SPTBN2: variants seen among roughly 807,000 people sequenced by gnomAD.
SPTBN2 encodes spectrin beta, non-erythrocytic 2.
Under a neutral mutation model 284.2 loss-of-function variants are expected in SPTBN2, and 107 were observed. That is an observed-to-expected ratio of 0.38 (90% CI 0.32 to 0.44). SPTBN2 has a LOEUF of 0.44. Ranked by LOEUF, SPTBN2 falls within the 20% of genes least tolerant of loss-of-function variation. The pLI, the probability that SPTBN2 is intolerant of heterozygous loss-of-function variation, is 1.00. For synonymous variants in SPTBN2, 1,289 were observed against 1,354.8 expected (o/e 0.95, Z 1.07); for missense variants, 2,569 against 3,287.1 (o/e 0.78, Z 5.34).
rs746834762 is a variant in SPTBN2, at chr11:66,708,222, C to T, written c.1269G>A (p.Leu423=). 7.4e-6 allele frequency: 12 copies of T among 1,611,602 alleles called. No homozygotes were observed. The highest frequency in any genetic ancestry group is 1.0e-5 in the Non-Finnish European group (12 of 1,178,874). The part of the protein sequence containing the change: ...LRTELIRQEK[L]EQLAARFDRK... ...GGTCGAAGCGGGCGGCCAGCTGCTCCAGCTTCTCCTGGCGGATGAGCTCGG... is the reference window on the plus strand; with the variant it reads ...GGTCGAAGCGGGCGGCCAGCTGCTCTAGCTTCTCCTGGCGGATGAGCTCGG... Residue 423 remains leucine (L), a synonymous_variant, in exon 12 of 38, where the codon CTG becomes CTA. Transcript: ENST00000533211. The surrounding 1 kb of genome is among the most constrained non-coding windows in gnomAD (Gnocchi z 4.4).
At chr11:66,702,763 C>A (rs1222664337) in intron 15 of SPTBN2, among the ~76,000 whole-genome samples, 2 of 151,294 alleles carry the variant, frequency 1.3e-5, no homozygotes, top group Non-Finnish European at 2.9e-5. Context: ...ACGGTGAAAC[C>A]TCGTCTCTAC....
Position 66,693,792 on chromosome 11 carries a change from G to A in SPTBN2, c.4573C>T (p.Leu1525Phe). ...CTCACCTGGTTTTTCTTCATGAGAAGCTGGACGCTGGGCAGGTCCTTGCCA... is the reference window on the plus strand; with the variant it reads ...CTCACCTGGTTTTTCTTCATGAGAAACTGGACGCTGGGCAGGTCCTTGCCA... ...EHGKDLPSVQLLMKKNQTLQK... is the reference protein window; with the variant it reads ...EHGKDLPSVQFLMKKNQTLQK... The change falls in exon 23 of 38, where the codon CTT becomes TTT. Residue 1525 changes from leucine (L) to phenylalanine (F), a missense_variant. Transcript: ENST00000533211. The surrounding 1 kb of genome is among the most constrained non-coding windows in gnomAD (Gnocchi z 5.7). 2 of 1,613,564 alleles carry A rather than the reference G, an allele frequency of 1.2e-6. No individual in the cohort carries two copies. The highest frequency in any genetic ancestry group is 1.7e-6 in the Non-Finnish European group (2 of 1,179,802).
At chr11:66,736,478 C>A (rs546611178) in intron 1 of SPTBN2, among the ~76,000 whole-genome samples, 1 of 152,178 alleles carries the variant, frequency 6.6e-6, no homozygotes, top group Non-Finnish European at 1.5e-5. Flanking sequence ...CTGGGACCAA[C>A]CATGATTCTC....
Position 66,684,035 on chromosome 11 carries a change from C to T in SPTBN2, c.*1836G>A, listed in dbSNP as rs1939948964. ...ATTATCCTGCAGGCTCTCTGGTCTA[C>T]CGGTTTGGAGCCCACTCTGGGGCTG... On this transcript the variant is annotated 3_prime_UTR_variant, in exon 38 of 38. Coordinates refer to ENST00000533211, the MANE Select transcript of SPTBN2 (RefSeq NM_006946.4). Among the ~76,000 whole-genome samples, 1 of 152,234 alleles carries T rather than the reference C, an allele frequency of 6.6e-6. No individual in the cohort carries two copies. Among genetic ancestry groups the T allele is most frequent in the South Asian group, 2.1e-4 (1 of 4,836 alleles).
intron 1 of SPTBN2, among the ~76,000 whole-genome samples, chr11:66,740,309 A>G (rs1942887147): frequency 6.6e-6 from 1 of 152,192 alleles, no homozygotes; most frequent in South Asian, 2.1e-4. Flanking sequence ...AAACTTTGGT[A>G]CTGTCCCAGG....
At chr11:66,702,323 G>A (rs1473200620) in intron 15 of SPTBN2, among the ~76,000 whole-genome samples, 2 of 152,128 alleles carry the variant, frequency 1.3e-5, no homozygotes, top group Non-Finnish European at 2.9e-5. Context: ...CCGCCACCAA[G>A]CCTAGCTAAT....
intron 1 of SPTBN2, among the ~76,000 whole-genome samples, chr11:66,737,726 C>CA (rs1457638287): frequency 1.6e-4 from 25 of 152,314 alleles, no homozygotes; most frequent in African/African-American, 5.8e-4. Flanking sequence ...TGAAGTACGT[C>CA]AGTGTTTCCC....
intron 5 of SPTBN2, 58 bp from the exon 6 acceptor site, chr11:66,714,465 G>C (rs1942043019): frequency 1.3e-5 from 18 of 1,417,754 alleles, no homozygotes; most frequent in Non-Finnish European, 1.8e-5. Context: ...GGTGTTATCA[G>C]AGATGCTCAG....
At position 66,710,785 on chromosome 11, in the gene SPTBN2, C is replaced by T; in HGVS notation, c.886-16G>A. The T allele has an allele frequency of 4.3e-6, 7 of 1,613,620 alleles. No homozygotes were observed. The highest frequency in any genetic ancestry group is 5.9e-6 in the Non-Finnish European group (7 of 1,180,036). ...GGTCCAGCACCTGGGAGGCAGAAGA[C>T]AGGGACGTGACAGTCCCAGCCACAG... On this transcript the variant is annotated splice_polypyrimidine_tract_variant and intron_variant, in intron 9 of 37. Transcript: ENST00000533211. The surrounding 1 kb of genome is among the most constrained non-coding windows in gnomAD (Gnocchi z 4.9).
At chr11:66,690,490 A>AG (rs1940467870) in intron 27 of SPTBN2, 1 of 648,038 alleles carries the variant, frequency 1.5e-6, no homozygotes, top group African/African-American at 1.8e-5. Context: ...ACCTGGGCTT[A>AG]ACTGGGGGAG....
intron 21 of SPTBN2, among the ~76,000 whole-genome samples, chr11:66,695,639 G>A (rs1024489276): frequency 2.0e-5 from 3 of 152,098 alleles, no homozygotes; most frequent in African/African-American, 4.8e-5. Context: ...TAGACCTTAC[G>A]ACCCATGAAG....
Position 66,699,479 on chromosome 11 carries a change from C to T in SPTBN2, c.3703G>A (p.Gly1235Ser), listed in dbSNP as rs1941122212. The change falls in exon 18 of 38, where the codon GGC becomes AGC. Residue 1235 changes from glycine to serine, a missense_variant. By Grantham distance (56) the Gly-to-Ser change is moderately conservative. Coordinates refer to ENST00000533211, the MANE Select transcript of SPTBN2 (RefSeq NM_006946.4). ...GERIHGLLEA[G>S]RQLVSEGNIH... ...TTGCCTTCAGATACCAGCTGGCGGC[C>T]AGCCTCCAGGAGCCCGTGGATCCGT... 1 of 1,614,174 alleles carries T rather than the reference C, an allele frequency of 6.2e-7. No homozygotes were observed. Among genetic ancestry groups the T allele is most frequent in the Non-Finnish European group, 8.5e-7 (1 of 1,180,030 alleles).
chr11:66,689,313 C>T (rs776947469), intron 29 of SPTBN2, 133 bp from the exon 30 acceptor site: 36 of 1,010,218 alleles, frequency 3.6e-5, no homozygotes, highest in Non-Finnish European at 5.0e-5. Context: ...TCGCTCTTAT[C>T]ACCAAGGCTG....
chr11:66,701,363 T>G, intron 16 of SPTBN2, 81 bp from the exon 17 acceptor site: 1 of 1,567,188 alleles, frequency 6.4e-7, no homozygotes. Flanking sequence ...TCTCTCTTGG[T>G]AGCTCCCCTT....
chr11:66,688,354 A>T, intron 31 of SPTBN2, 43 bp from the exon 32 acceptor site: 1 of 1,552,186 alleles, frequency 6.4e-7, no homozygotes, highest in East Asian at 2.4e-5. Flanking sequence ...GGTTGCGTGT[A>T]AGAGGGCCAG....
Position 66,707,667 on chromosome 11 carries a change from C to A in SPTBN2, c.1502G>T (p.Arg501Leu), listed in dbSNP as rs756860153. 6.2e-7 allele frequency: 1 copy of A among 1,606,960 alleles called. No individual in the cohort carries two copies. Among genetic ancestry groups the A allele is most frequent in the Non-Finnish European group, 8.5e-7 (1 of 1,179,766 alleles). The change falls in exon 13 of 38, where the codon CGC becomes CTC. Residue 501 changes from arginine (R) to leucine (L), a missense_variant. Physicochemically the swap from Arg to Leu is moderately radical, Grantham distance 102. Coordinates refer to ENST00000533211, the MANE Select transcript of SPTBN2 (RefSeq NM_006946.4). This position sits in a 1 kb window ranked among gnomAD's most constrained non-coding sequence, Gnocchi z 4.9. ...CACGTTGTGCTGCCGAGCGGCGATG[C>A]GCTTGATGTCGTGGTAGCGCTCGGC... Reference protein sequence around the residue: ...LAAERYHDIKRIAARQHNVAR... With the variant: ...LAAERYHDIKLIAARQHNVAR...
Position 66,701,609 on chromosome 11 carries a change from T to G in SPTBN2, c.2791A>C (p.Asn931His). Residue 931 changes from asparagine to histidine, a missense_variant, in exon 16 of 38, where the codon AAC (asparagine) becomes CAC (histidine). Physicochemically the swap from Asn to His is moderately conservative, Grantham distance 68. Coordinates refer to ENST00000533211, the MANE Select transcript of SPTBN2 (RefSeq NM_006946.4). ...CTGTGGTTGAGCTGCTCCTGGGTGTTGACAATGCGGTCTTTGCCTGGGGGG... is the reference window on the plus strand; with the variant it reads ...CTGTGGTTGAGCTGCTCCTGGGTGTGGACAATGCGGTCTTTGCCTGGGGGG... ...ANPPGKDRIVNTQEQLNHRWQ... is the reference protein window; with the variant it reads ...ANPPGKDRIVHTQEQLNHRWQ... 2 of 1,614,124 alleles carry G rather than the reference T, an allele frequency of 1.2e-6. No homozygotes were observed. Among genetic ancestry groups the G allele is most frequent in the Non-Finnish European group, 1.7e-6 (2 of 1,180,024 alleles).
intron 3 of SPTBN2, among the ~76,000 whole-genome samples, chr11:66,720,796 G>A (rs545271731): frequency 4.6e-5 from 7 of 152,302 alleles, no homozygotes; most frequent in African/African-American, 1.7e-4. Context: ...AGGATGAAGG[G>A]ACATGACCCG....
intron 1 of SPTBN2, among the ~76,000 whole-genome samples, chr11:66,740,711 T>C (rs1186338628): frequency 1.3e-5 from 2 of 152,184 alleles, no homozygotes; most frequent in East Asian, 3.8e-4. Flanking sequence ...TCCTACTGTC[T>C]GGATGGGAAA....
Sources: gnomAD v4.1 joint callset for allele counts (sites outside exome capture counted in the v4.1 genomes callset) on GRCh38, gnomAD v4.1.1 for gene constraint, Gnocchi (gnomAD v3.1) non-coding constraint, MANE v1.5 for transcripts, NCBI Gene and HGNC (gene_info 2026-07-23, HGNC 2026-07-21) for gene names.